The following ANKRD12 variants were observed in gnomAD, a reference collection of about 807,000 sequenced individuals.
The protein encoded by ANKRD12 is ankyrin repeat domain 12.
A neutral mutation model predicts 183.4 loss-of-function variants in ANKRD12; 85 were observed. That is an observed-to-expected ratio of 0.46 (90% CI 0.39 to 0.56). The LOEUF (loss-of-function observed/expected upper bound fraction) is 0.56, where lower values mean the gene tolerates loss of function less well. ANKRD12 is among the 20% of genes least tolerant of loss of function. ANKRD12 has a pLI of 0.00. For missense variants in ANKRD12, 2,405 were observed against 2,357.1 expected, an observed-to-expected ratio of 1.02 and a Z score of -0.42; for synonymous variants, 914 against 800.2, an observed-to-expected ratio of 1.14 and a Z score of -2.40.
At chr18:9,238,993 G>A (rs901961609) in intron 8 of ANKRD12, among the ~76,000 whole-genome samples, 4 of 152,076 alleles carry the variant, frequency 2.6e-5, no homozygotes, top group Non-Finnish European at 5.9e-5. Context: ...ATGGTGGCAC[G>A]CACCAGGAGT....
chr18:9,150,508 A>T lies in ANKRD12; in HGVS notation c.-52+13543A>T, dbSNP rs191052483. Among the ~76,000 whole-genome samples the T allele has an allele frequency of 6.3e-3, 964 of 152,286 alleles. 7 individuals carry two copies. Among genetic ancestry groups the T allele is most frequent in the Middle Eastern group, 0.017 (5 of 294 alleles). ...AATAGACCATAAAAATTCCTTAAGG[A>T]CTTTTAAGAACATTGTTTTAAGGAC... On this transcript the variant is annotated intron_variant, in intron 1 of 12. Transcript: ENST00000262126.
intron 10 of ANKRD12, among the ~76,000 whole-genome samples, chr18:9,270,573 C>T (rs1051446753): frequency 4.6e-5 from 7 of 152,050 alleles, no homozygotes; most frequent in Non-Finnish European, 5.9e-5. Flanking sequence ...AATGAGAACA[C>T]ATGGACACAG....
intron 1 of ANKRD12, among the ~76,000 whole-genome samples, chr18:9,170,552 G>T (rs1044948068): frequency 1.3e-5 from 2 of 152,116 alleles, no homozygotes; most frequent in African/African-American, 4.8e-5. Context: ...TTGGTTTTCA[G>T]CTCCATCAGG....
intron 4 of ANKRD12, among the ~76,000 whole-genome samples, chr18:9,204,828 G>A (rs1221587965): frequency 6.6e-6 from 1 of 152,140 alleles, no homozygotes; most frequent in Non-Finnish European, 1.5e-5. Flanking sequence ...AGAAAACAAT[G>A]TGAAAGTCAA....
rs2040180441 is a variant in ANKRD12 at position 9,284,459 on chromosome 18, CTG to C, written c.*3335_*3336del. On this transcript the variant is annotated 3_prime_UTR_variant, in exon 13 of 13. Coordinates refer to ENST00000262126, the MANE Select transcript of ANKRD12 (RefSeq NM_015208.5). The stretch of plus-strand genomic sequence containing the variant: ...AAATTTTATATAGAAGAAATTGACT[CTG>C]TAAAACGCAATGAAATAGTCCTCTT... The C allele has an allele frequency of 6.6e-6, 1 of 152,248 alleles. No homozygotes were observed. Among genetic ancestry groups the C allele is most frequent in the African/African-American group, 2.4e-5 (1 of 41,554 alleles). 9.4% of individuals were successfully genotyped at this position (152,248 alleles called of 1,614,324 possible).
intron 1 of ANKRD12, among the ~76,000 whole-genome samples, chr18:9,147,759 G>C (rs905675693): frequency 6.6e-6 from 1 of 152,172 alleles, no homozygotes; most frequent in African/African-American, 2.4e-5. Context: ...ATAAAGTATA[G>C]ATTTGAGAGG....
intron 1 of ANKRD12, among the ~76,000 whole-genome samples, chr18:9,169,959 C>T (rs926170434): frequency 7.2e-5 from 11 of 152,146 alleles, no homozygotes; most frequent in Non-Finnish European, 4.4e-5. Context: ...TTTTATTTCT[C>T]CTTCACTTAT....
At chr18:9,262,631 TA>T (rs1161857697) in intron 9 of ANKRD12, among the ~76,000 whole-genome samples, 1 of 151,718 alleles carries the variant, frequency 6.6e-6, no homozygotes, top group African/African-American at 2.4e-5. Context: ...AGCTAATTTT[TA>T]AATTTTTTTT....
intron 6 of ANKRD12, among the ~76,000 whole-genome samples, chr18:9,214,871 T>G (rs1212268506): frequency 6.6e-6 from 1 of 152,130 alleles, no homozygotes; most frequent in Non-Finnish European, 1.5e-5. Context: ...GCAGCTTTTA[T>G]GCGAATGCAA....
chr18:9,274,440 C>T (rs2039737487), intron 10 of ANKRD12, among the ~76,000 whole-genome samples: 1 of 152,150 alleles, frequency 6.6e-6, no homozygotes, highest in Non-Finnish European at 1.5e-5. Flanking sequence ...AGCCAATCAC[C>T]AAAGACCACA....
chr18:9,168,949 C>T (rs11876775), intron 1 of ANKRD12, among the ~76,000 whole-genome samples: 16,973 of 152,098 alleles, frequency 0.11, 1,124 homozygotes, highest in African/African-American at 0.17. Context: ...CAAAGAACAT[C>T]GTTATTTCTG....
chr18:9,188,647 C>G (rs2034259287), intron 2 of ANKRD12, among the ~76,000 whole-genome samples: 1 of 152,236 alleles, frequency 6.6e-6, no homozygotes, highest in South Asian at 2.1e-4. Context: ...CTGTGTTGAG[C>G]AAGTTCATTG....
chr18:9,274,611 A>G (rs973087015), intron 10 of ANKRD12, among the ~76,000 whole-genome samples: 7 of 152,176 alleles, frequency 4.6e-5, no homozygotes, highest in African/African-American at 1.4e-4. Flanking sequence ...AGTGATGGAA[A>G]TGTTCTGGTG....
intron 8 of ANKRD12, among the ~76,000 whole-genome samples, chr18:9,232,526 T>C (rs1199744280): frequency 6.6e-6 from 1 of 152,206 alleles, no homozygotes; most frequent in East Asian, 1.9e-4. Context: ...GGTGACTGGA[T>C]ACTTTTCTCT....
At chr18:9,247,810 T>C (rs2145085782) in intron 8 of ANKRD12, among the ~76,000 whole-genome samples, 2 of 152,194 alleles carry the variant, frequency 1.3e-5, no homozygotes, top group Middle Eastern at 3.4e-3. Context: ...TTGTTTTGTT[T>C]TGTTTTCTTG....
chr18:9,248,397 T>C (rs893726909), intron 8 of ANKRD12, among the ~76,000 whole-genome samples: 1 of 152,248 alleles, frequency 6.6e-6, no homozygotes, highest in African/African-American at 2.4e-5. Context: ...TTTTCATTGC[T>C]GTTTCTCAAA....
At chr18:9,194,984 A>G (rs1355126193) in intron 2 of ANKRD12, among the ~76,000 whole-genome samples, 2 of 152,250 alleles carry the variant, frequency 1.3e-5, no homozygotes, top group African/African-American at 2.4e-5. Context: ...TATACACACC[A>G]TGGAACACTA....
chr18:9,139,364 AC>A (rs1317598439), intron 1 of ANKRD12, among the ~76,000 whole-genome samples: 1 of 152,068 alleles, frequency 6.6e-6, no homozygotes, highest in Non-Finnish European at 1.5e-5. Flanking sequence ...CATGACTGAT[AC>A]TCTTTTGAAG....
chr18:9,143,992 C>T (rs140880190), intron 1 of ANKRD12, among the ~76,000 whole-genome samples: 1 of 152,278 alleles, frequency 6.6e-6, no homozygotes, highest in Non-Finnish European at 1.5e-5. Context: ...TCTATACTTA[C>T]ATAGATACTT....
Sources: allele counts gnomAD v4.1 joint callset (sites outside exome capture counted in the v4.1 genomes callset), GRCh38; gene constraint gnomAD v4.1.1; transcripts MANE v1.5; gene names NCBI Gene and HGNC (gene_info 2026-07-23, HGNC 2026-07-21).